Variants in TOP1 observed in about 807,000 individuals in gnomAD.
TOP1 encodes the protein DNA topoisomerase I.
Under a neutral mutation model 111.1 loss-of-function variants are expected in TOP1, and 10 were observed. That is an observed-to-expected ratio of 0.09 (90% CI 0.06 to 0.15). TOP1 has a LOEUF of 0.15. TOP1 is among the 10% of genes least tolerant of loss of function. The pLI is 1.00. For synonymous variants in TOP1, 271 were observed against 302.9 expected (o/e 0.89, Z 1.10); for missense variants, 474 against 926.7 (o/e 0.51, Z 6.34).
chr20:41,056,317 GCCTC>G (rs1165359461), intron 2 of TOP1, among the ~76,000 whole-genome samples: 1 of 152,072 alleles, frequency 6.6e-6, no homozygotes, highest in African/African-American at 2.4e-5. Context: ...ACCTCAATTT[GCCTC>G]CCTATCATTT....
rs547525262 is a variant in TOP1, at chr20:41,028,958, T to C, written c.-110T>C. ...GGGCCCACAGTCACCGCCGCTTACC[T>C]GCGCCTCCTCGAGCCTCCGGAGTCC... On this transcript the variant is annotated 5_prime_UTR_variant, in exon 1 of 21. Coordinates refer to ENST00000361337, the MANE Select transcript of TOP1 (RefSeq NM_003286.4). 8.9e-6 allele frequency: 8 copies of C among 896,482 alleles called. No individual in the cohort carries two copies. The highest frequency in any genetic ancestry group is 2.2e-5 in the Admixed American group (1 of 45,976). The allele number at this position is 896,482 out of a possible 1,614,324, so 55.5% of individuals were successfully genotyped here. A position where few individuals can be genotyped will look rare whatever the true frequency, so the allele number is the denominator to read the frequency against.
At position 41,114,568 on chromosome 20, in the gene TOP1, G is replaced by C. The variant is rs1295020884; in HGVS notation, c.1638+413G>C. On this transcript the variant is annotated intron_variant, in intron 15 of 20. Coordinates refer to ENST00000361337, the MANE Select transcript of TOP1 (RefSeq NM_003286.4). This position sits in a 1 kb window ranked among gnomAD's most constrained non-coding sequence, Gnocchi z 4.5. ...CCTTCTCCTATAGCAGTATTCAATG[G>C]AGCATGCTGTAGAATAGGCCCTTAG... Among the ~76,000 whole-genome samples the C allele has an allele frequency of 2.0e-5, 3 of 152,198 alleles. No homozygotes were observed. Among genetic ancestry groups the C allele is most frequent in the Non-Finnish European group, 2.9e-5 (2 of 68,032 alleles).
chr20:41,052,286 C>T (rs1182952227), intron 2 of TOP1, among the ~76,000 whole-genome samples: 1 of 152,218 alleles, frequency 6.6e-6, no homozygotes, highest in African/African-American at 2.4e-5. Context: ...CTCTGTGCTG[C>T]TCTGCAGTGC....
chr20:41,030,360 G>C lies in TOP1; in HGVS notation c.58+905G>C, dbSNP rs2033102776. ...CTGGTGTGTTGGCCTTTTCGTTTGG[G>C]TTGTAAGGAGGAAAAAAAGATTTTA... On this transcript the variant is annotated intron_variant, in intron 2 of 20. Transcript: ENST00000361337. The surrounding 1 kb of genome is among the most constrained non-coding windows in gnomAD (Gnocchi z 4.1). Among the ~76,000 whole-genome samples, 1 of 152,116 alleles carries C rather than the reference G, an allele frequency of 6.6e-6. No individual in the cohort carries two copies. Among genetic ancestry groups the C allele is most frequent in the African/African-American group, 2.4e-5 (1 of 41,404 alleles).
intron 2 of TOP1, among the ~76,000 whole-genome samples, chr20:41,049,985 T>C (rs2122608099): frequency 6.6e-6 from 1 of 152,292 alleles, no homozygotes; most frequent in Admixed American, 6.5e-5. Flanking sequence ...ACTTTAAAAA[T>C]TGGAAATGTT....
chr20:41,107,695 T>TG (rs2145959042), intron 13 of TOP1, among the ~76,000 whole-genome samples: 1 of 152,386 alleles, frequency 6.6e-6, no homozygotes, highest in African/African-American at 2.4e-5. Flanking sequence ...TGAATTCATG[T>TG]GCTAATTACT....
rs1168551319 is a variant in TOP1, at chr20:41,032,246, G to A, written c.58+2791G>A. Among the ~76,000 whole-genome samples the A allele has an allele frequency of 6.0e-5, 9 of 149,312 alleles. No individual in the cohort carries two copies. The highest frequency in any genetic ancestry group is 2.1e-4 in the South Asian group (1 of 4,702). On this transcript the variant is annotated intron_variant, in intron 2 of 20. Transcript: ENST00000361337. This position sits in a 1 kb window ranked among gnomAD's most constrained non-coding sequence, Gnocchi z 4.3. Reference sequence around the variant, plus strand: ...CCTAAGATATAAAAGATTCCCCCCCGTCCCCCCACTTTGGAGCTCATTCTT... The same window carrying A: ...CCTAAGATATAAAAGATTCCCCCCCATCCCCCCACTTTGGAGCTCATTCTT...
At chr20:41,043,721 G>A (rs6102256) in intron 2 of TOP1, among the ~76,000 whole-genome samples, 1 of 152,208 alleles carries the variant, frequency 6.6e-6, no homozygotes, top group Non-Finnish European at 1.5e-5. Context: ...AGGCAGTTTA[G>A]GCTGAGCTGT....
rs535860165 is a variant in TOP1, at chr20:41,030,969, T to C, written c.58+1514T>C. 3.3e-5 allele frequency among the ~76,000 whole-genome samples: 5 copies of C among 152,306 alleles called. No individual in the cohort carries two copies. The highest frequency in any genetic ancestry group is 2.1e-4 in the South Asian group (1 of 4,826). On this transcript the variant is annotated intron_variant, in intron 2 of 20. Transcript: ENST00000361337. The surrounding 1 kb of genome is among the most constrained non-coding windows in gnomAD (Gnocchi z 4.1). ...ACTCCCTTGCTCTCAATTCAGTCTA[T>C]TGGGGGAGACATAATTAGTTAATTA... is the stretch of plus-strand genomic sequence containing the variant.
intron 3 of TOP1, among the ~76,000 whole-genome samples, chr20:41,066,306 T>C (rs1333013254): frequency 1.3e-5 from 2 of 151,796 alleles, no homozygotes; most frequent in African/African-American, 4.8e-5. Context: ...TCCTTGTACA[T>C]CCATTTAAGT....
intron 13 of TOP1, among the ~76,000 whole-genome samples, chr20:41,107,131 CA>C (rs2034158864): frequency 6.6e-6 from 1 of 152,092 alleles, no homozygotes; most frequent in Admixed American, 6.6e-5. Flanking sequence ...CATCTTAATT[CA>C]TAGTCTGTCT....
At chr20:41,081,294 C>T (rs184311473) in intron 7 of TOP1, 54 bp downstream of exon 7, 2,534 of 1,545,040 alleles carry the variant, frequency 1.6e-3, no homozygotes, top group Admixed American at 3.1e-3. Flanking sequence ...TGGGAGTTTT[C>T]CAGTAAGCAA....
rs778893475 is a variant in TOP1, at chr20:41,101,397, AC to A, written c.1308+46del. 1 of 1,577,298 alleles carries A rather than the reference AC, an allele frequency of 6.3e-7. No individual in the cohort carries two copies. On this transcript the variant is annotated intron_variant, in intron 13 of 20. Coordinates refer to ENST00000361337, the MANE Select transcript of TOP1 (RefSeq NM_003286.4). The surrounding 1 kb of genome is among the most constrained non-coding windows in gnomAD (Gnocchi z 4.1). Reference sequence around the variant, plus strand: ...GCTGCACTGGTTCATGGTGCTGATAACCTTTTTTTGTTGAAATGTAACGTTC... The same window carrying A: ...GCTGCACTGGTTCATGGTGCTGATAACTTTTTTTGTTGAAATGTAACGTTC...
chr20:41,113,731 AAT>A lies in TOP1; in HGVS notation c.1453-237_1453-236del, dbSNP rs1433474233. Among the ~76,000 whole-genome samples, 18 of 150,936 alleles carry A rather than the reference AAT, an allele frequency of 1.2e-4. No homozygotes were observed. The South Asian group carries it at 1.9e-3, about 16-fold the overall frequency. On this transcript the variant is annotated intron_variant, in intron 14 of 20. Transcript: ENST00000361337. ...CTAAAAATACAAAAAAAAAAAAAAA[AAT>A]AAAAATTGGCGTGGTGGCGGGCGCC... is the stretch of plus-strand genomic sequence containing the variant.
chr20:41,054,273 G>C (rs1158795673), intron 2 of TOP1, among the ~76,000 whole-genome samples: 1 of 152,014 alleles, frequency 6.6e-6, no homozygotes, highest in South Asian at 2.1e-4. Context: ...CATGAGGTCC[G>C]ATGGTTTTAT....
At chr20:41,054,285 A>G (rs1290171358) in intron 2 of TOP1, among the ~76,000 whole-genome samples, 1 of 152,098 alleles carries the variant, frequency 6.6e-6, no homozygotes, top group East Asian at 1.9e-4. Context: ...TGGTTTTATA[A>G]GGGGCTTCCC....
In TOP1 at chr20:41,046,638, A is replaced by C. The variant is rs764302044; in HGVS notation, c.59-14756A>C. ...AGCAGTTCAGCTTGTGCTTGGACCC[A>C]GTTGTTCCAGAAATCAGTAAAACCT... On this transcript the variant is annotated intron_variant, in intron 2 of 20. Coordinates refer to ENST00000361337, the MANE Select transcript of TOP1 (RefSeq NM_003286.4). The surrounding 1 kb of genome is among the most constrained non-coding windows in gnomAD (Gnocchi z 4.3). 2.0e-5 allele frequency among the ~76,000 whole-genome samples: 3 copies of C among 152,238 alleles called. No individual in the cohort carries two copies. The highest frequency in any genetic ancestry group is 2.9e-5 in the Non-Finnish European group (2 of 68,034).
chr20:41,107,332 T>TTAG (rs1272190705), intron 13 of TOP1, among the ~76,000 whole-genome samples: 2 of 152,332 alleles, frequency 1.3e-5, no homozygotes, highest in African/African-American at 4.8e-5. Context: ...TAGAGTCCTA[T>TTAG]TAGATGAGTG....
intron 3 of TOP1, among the ~76,000 whole-genome samples, chr20:41,075,570 C>T (rs2033717429): frequency 6.6e-6 from 1 of 152,194 alleles, no homozygotes. Context: ...TGGCTCTTGC[C>T]TTATAATGTC....
Sources: allele counts gnomAD v4.1 joint callset (sites outside exome capture counted in the v4.1 genomes callset), GRCh38; gene constraint gnomAD v4.1.1; non-coding constraint Gnocchi (gnomAD v3.1); transcripts MANE v1.5; gene names NCBI Gene and HGNC (gene_info 2026-07-23, HGNC 2026-07-21).